Variants in KIF12 observed in about 807,000 individuals in gnomAD.
KIF12 encodes the protein kinesin-like protein KIF12.
KIF12 carries 80 observed loss-of-function variants against 87.9 expected under a neutral mutation model. The observed-to-expected ratio is 0.91, with a 90% confidence interval of 0.76 to 1.10. The LOEUF (loss-of-function observed/expected upper bound fraction) is 1.10. Among genes scored for constraint, KIF12 ranks in the 50% least tolerant of loss-of-function variants. The pLI is 0.00. For missense variants in KIF12, 819 were observed against 865.3 expected (o/e 0.95, Z 0.67); for synonymous variants, 353 against 348.5 (o/e 1.01, Z -0.14).
Position 114,091,832 on chromosome 9 carries a change from C to A in KIF12, c.*29G>T. On this transcript the variant is annotated 3_prime_UTR_variant, in exon 19 of 19. Coordinates refer to ENST00000640217, the MANE Select transcript of KIF12 (RefSeq NM_001388308.1). ...GTGTGGAGCCCAGTCTGAGGTCACA[C>A]AGCAGTCTCCTGGGTTCCCACTTGG... 6.4e-7 allele frequency: 1 copy of A among 1,569,488 alleles called. No individual in the cohort carries two copies. The highest frequency in any genetic ancestry group is 1.1e-5 in the South Asian group (1 of 87,002).
intron 9 of KIF12, 48 bp from the exon 10 acceptor site, chr9:114,095,380 G>T (rs758000364): frequency 1.9e-6 from 3 of 1,569,760 alleles, no homozygotes; most frequent in Admixed American, 3.7e-5. Flanking sequence ...CTTGCCTAGG[G>T]CCATCAGGCT....
chr9:114,091,759 T>G lies in KIF12; in HGVS notation c.*102A>C. On this transcript the variant is annotated 3_prime_UTR_variant, in exon 19 of 19. Coordinates refer to ENST00000640217, the MANE Select transcript of KIF12 (RefSeq NM_001388308.1). ...GCCCCTAGCCCAGCTGCAGGTGGAG[T>G]AGCAGCTGCTGTCTCCATTCAGCAG... The G allele has an allele frequency of 8.2e-7, 1 of 1,215,360 alleles. No individual in the cohort carries two copies. Among genetic ancestry groups the G allele is most frequent in the Non-Finnish European group, 1.1e-6 (1 of 893,432 alleles). The allele number at this position is 1,215,360 out of a possible 1,614,324, so 75.3% of individuals were successfully genotyped here.
intron 7 of KIF12, 34 bp from the exon 8 acceptor site, chr9:114,096,512 T>TCC: frequency 2.0e-6 from 3 of 1,526,570 alleles, no homozygotes; most frequent in Non-Finnish European, 2.7e-6. Context: ...CTGGACCTGG[T>TCC]AGGAAGAACA....
chr9:114,094,346 C>G lies in KIF12; in HGVS notation c.1222+7G>C. 6.2e-7 allele frequency: 1 copy of G among 1,612,320 alleles called. No individual in the cohort carries two copies. The highest frequency in any genetic ancestry group is 8.5e-7 in the Non-Finnish European group (1 of 1,178,434). Reference sequence around the variant, plus strand: ...CCCATCCTACTCTGCCTCCAGGAAGCCCATACCCTTGCAGTCCATTTGGTC... The same window carrying G: ...CCCATCCTACTCTGCCTCCAGGAAGGCCATACCCTTGCAGTCCATTTGGTC... On this transcript the variant is annotated splice_region_variant and intron_variant, in intron 12 of 18. Transcript: ENST00000640217.
In KIF12 at chr9:114,099,280, C is replaced by G. The variant is rs990460092; in HGVS notation, c.-4G>C. On this transcript the variant is annotated 5_prime_UTR_variant, in exon 1 of 19. Coordinates refer to ENST00000640217, the MANE Select transcript of KIF12 (RefSeq NM_001388308.1). Reference sequence around the variant, plus strand: ...CGGGTGACCCGCGTTCTTCCATGTCCTGCTCTGCACACGGAGTTAGCTCCG... The same window carrying G: ...CGGGTGACCCGCGTTCTTCCATGTCGTGCTCTGCACACGGAGTTAGCTCCG... 1 of 1,551,094 alleles carries G rather than the reference C, an allele frequency of 6.4e-7. No individual in the cohort carries two copies. Among genetic ancestry groups the G allele is most frequent in the Non-Finnish European group, 8.7e-7 (1 of 1,147,078 alleles).
chr9:114,093,114 C>G, intron 16 of KIF12, 115 bp downstream of exon 16: 1 of 1,186,868 alleles, frequency 8.4e-7, no homozygotes. Context: ...CAGCCATTCA[C>G]TCCCCATGAT....
intron 3 of KIF12, 132 bp downstream of exon 3, chr9:114,098,803 T>G: frequency 1.0e-6 from 1 of 958,612 alleles, no homozygotes; most frequent in Non-Finnish European, 1.5e-6. Flanking sequence ...GGAGGGGCAC[T>G]CTGGGGAGGG....
At chr9:114,093,774 G>T in intron 14 of KIF12, 112 bp downstream of exon 14, 1 of 896,910 alleles carries the variant, frequency 1.1e-6, no homozygotes, top group Non-Finnish European at 1.8e-6. Flanking sequence ...GCTGGAAACT[G>T]AACCTAGTTG....
intron 5 of KIF12, 136 bp from the exon 6 acceptor site, chr9:114,097,877 C>A (rs1391239877): frequency 5.4e-6 from 6 of 1,117,096 alleles, no homozygotes; most frequent in Non-Finnish European, 7.6e-6. Context: ...TCGGTACTGT[C>A]ACTTCCATTT....
chr9:114,095,431 G>A, intron 9 of KIF12, 99 bp from the exon 10 acceptor site: 2 of 1,307,544 alleles, frequency 1.5e-6, no homozygotes, highest in East Asian at 2.5e-5. Context: ...GGCCTGTGTT[G>A]CCCTAAAAAC....
Position 114,092,449 on chromosome 9 carries a change from CTCCTGGGCCAGGGTGAG to C in KIF12, c.1698-15_1699del. The stretch of plus-strand genomic sequence containing the variant: ...TCGGGTCTGAGTCCAGTCACTGTGA[CTCCTGGGCCAGGGTGAG>C]TTGGGAGATGGGAGGTGAGCCTTTG... On this transcript the variant is annotated splice_acceptor_variant and splice_polypyrimidine_tract_variant and coding_sequence_variant and intron_variant, in exon 18 of 19. Transcript: ENST00000640217. LOFTEE classifies it high-confidence loss of function. 1 of 1,613,794 alleles carries C rather than the reference CTCCTGGGCCAGGGTGAG, an allele frequency of 6.2e-7. No homozygotes were observed. Among genetic ancestry groups the C allele is most frequent in the Non-Finnish European group, 8.5e-7 (1 of 1,179,928 alleles).
chr9:114,098,434 C>A lies in KIF12; in HGVS notation c.172-5G>T, dbSNP rs1269879612. 7.5e-7 allele frequency: 1 copy of A among 1,331,386 alleles called. No individual in the cohort carries two copies. The highest frequency in any genetic ancestry group is 9.8e-7 in the Non-Finnish European group (1 of 1,021,544). The allele number at this position is 1,331,386 out of a possible 1,614,324, so 82.5% of individuals were successfully genotyped here. On this transcript the variant is annotated splice_region_variant and splice_polypyrimidine_tract_variant and intron_variant, in intron 3 of 18. Transcript: ENST00000640217. ...ACCCCCGCCTGGAGGACTCACCTGG[C>A]GCGGGTGGGGCGGAGGAGCGGGGCA... is the stretch of plus-strand genomic sequence containing the variant.
intron 14 of KIF12, 106 bp from the exon 15 acceptor site, chr9:114,093,603 G>A (rs946200863): frequency 2.5e-5 from 24 of 967,148 alleles, no homozygotes; most frequent in Admixed American, 1.8e-4. Flanking sequence ...ACCAGGTACC[G>A]GGCCCCATTC....
Position 114,096,214 on chromosome 9 carries a change from G to A in KIF12, c.739-7C>T. ...CAGAAGGCATCTGCTGGGCCTGAGG[G>A]ATCAGAGCTTCATGGGGACTTGGGA... On this transcript the variant is annotated splice_polypyrimidine_tract_variant and splice_region_variant and intron_variant, in intron 8 of 18. Transcript: ENST00000640217. 1.2e-6 allele frequency: 2 copies of A among 1,613,582 alleles called. No individual in the cohort carries two copies. The highest frequency in any genetic ancestry group is 8.5e-7 in the Non-Finnish European group (1 of 1,179,808).
At chr9:114,096,270 T>G in intron 8 of KIF12, 63 bp from the exon 9 acceptor site, 4 of 1,609,184 alleles carry the variant, frequency 2.5e-6, no homozygotes, top group Non-Finnish European at 3.4e-6. Context: ...CACAAGGTTA[T>G]GGGACCAAGA....
rs373863722 is a variant in KIF12, at chr9:114,099,071, C to A, written c.92+33G>T. 1.8e-4 allele frequency: 283 copies of A among 1,550,482 alleles called. 1 individual carries two copies. In the African/African-American group the frequency reaches 3.5e-3, roughly 19 times the overall value. On this transcript the variant is annotated intron_variant, in intron 2 of 18. Coordinates refer to ENST00000640217, the MANE Select transcript of KIF12 (RefSeq NM_001388308.1). ...CTGATGTCTTCCTCGATCCTTGTCT[C>A]GCCCAGGTGCCTCCTAGCCAATTTA...
chr9:114,092,195 T>C, intron 18 of KIF12, 138 bp downstream of exon 18: 17 of 1,487,386 alleles, frequency 1.1e-5, no homozygotes, highest in Non-Finnish European at 1.5e-5. Context: ...AATTCCAAGT[T>C]TGGGAAGTAG....
In KIF12 at chr9:114,094,888, C is replaced by T. The variant is rs910403907; in HGVS notation, c.1119+135G>A. The T allele has an allele frequency of 1.2e-5, 9 of 768,784 alleles. No individual in the cohort carries two copies. In the Admixed American group the frequency reaches 1.8e-4, roughly 15 times the overall value. The allele number at this position is 768,784 out of a possible 1,614,324, so 47.6% of individuals were successfully genotyped here. On this transcript the variant is annotated intron_variant, in intron 11 of 18. Coordinates refer to ENST00000640217, the MANE Select transcript of KIF12 (RefSeq NM_001388308.1). ...ACCCCATCCTATACAACCATGATAC[C>T]GATTCCAGGATTCCAACCCTAATCC...
chr9:114,099,086 T>C lies in KIF12; in HGVS notation c.92+18A>G, dbSNP rs201777125. 6 of 1,550,352 alleles carry C rather than the reference T, an allele frequency of 3.9e-6. No homozygotes were observed. Among genetic ancestry groups the C allele is most frequent in the Non-Finnish European group, 5.2e-6 (6 of 1,146,960 alleles). ...ATCCTTGTCTCGCCCAGGTGCCTCC[T>C]AGCCAATTTATACCCACCTGAGCAC... On this transcript the variant is annotated intron_variant, in intron 2 of 18. Transcript: ENST00000640217.
Sources: gnomAD v4.1 joint callset for allele counts on GRCh38, gnomAD v4.1.1 for gene constraint, MANE v1.5 for transcripts, NCBI Gene and HGNC (gene_info 2026-07-23, HGNC 2026-07-21) for gene names.